Variants in LCT observed in about 807,000 individuals in gnomAD.
LCT encodes the protein lactase/phlorizin hydrolase.
A neutral mutation model predicts 173.0 loss-of-function variants in LCT; 90 were observed. The ratio of observed to expected loss-of-function variants is 0.52; its 90% CI spans 0.44 to 0.62. The LOEUF is 0.62. LCT is among the 20% of genes least tolerant of loss of function. The probability of loss-of-function intolerance (pLI) is 0.00; values close to 1 mark genes in which losing one functional copy is unlikely to be tolerated. For missense variants in LCT, 1,864 were observed against 2,431.4 expected, an observed-to-expected ratio of 0.77 and a Z score of 4.91; for synonymous variants, 853 against 957.6, an observed-to-expected ratio of 0.89 and a Z score of 2.02.
intron 12 of LCT, among the ~76,000 whole-genome samples, 194 bp downstream of exon 12, chr2:135,800,413 C>A (rs566247159): frequency 6.6e-6 from 1 of 152,112 alleles, no homozygotes; most frequent in East Asian, 1.9e-4. Context: ...TCTTCACAGA[C>A]AAGGTCTTTC....
chr2:135,798,701 C>T (rs552532965), intron 12 of LCT, among the ~76,000 whole-genome samples: 3 of 152,238 alleles, frequency 2.0e-5, no homozygotes, highest in East Asian at 1.9e-4. Flanking sequence ...TTATCATGTG[C>T]GGGGATACGT....
In LCT at chr2:135,794,956, A is replaced by C. The variant is rs3816155; in HGVS notation, c.4977-181T>G. Among the ~76,000 whole-genome samples, 119,040 of 151,934 alleles carry C rather than the reference A, an allele frequency of 0.78. 47,110 individuals carry two copies. The highest frequency in any genetic ancestry group is 0.84 in the Non-Finnish European group (56,951 of 67,944). On this transcript the variant is annotated intron_variant, in intron 13 of 16. Coordinates refer to ENST00000264162, the MANE Select transcript of LCT (RefSeq NM_002299.4). ...GTGCAGGAAGCACTGCGGCTCCTCC[A>C]GCCAGACCATAAACCTGGCTTCCCT...
At chr2:135,813,933 T>C (rs2105539255) in intron 6 of LCT, among the ~76,000 whole-genome samples, 1 of 152,320 alleles carries the variant, frequency 6.6e-6, no homozygotes, top group Admixed American at 6.5e-5. Context: ...GGAGGGTGTC[T>C]GAAATATAAC....
intron 5 of LCT, 136 bp downstream of exon 5, chr2:135,821,884 C>T: frequency 1.5e-6 from 1 of 679,872 alleles, no homozygotes; most frequent in Non-Finnish European, 2.7e-6. Context: ...CTTTGTTTCT[C>T]ATCAATTGAA....
chr2:135,798,833 GATGAGGCATGGAACACAC>G (rs2077603131), intron 12 of LCT, among the ~76,000 whole-genome samples: 3 of 152,276 alleles, frequency 2.0e-5, no homozygotes, highest in African/African-American at 7.2e-5. Context: ...CATGGTCAGA[GATGAGGCATGGAACACAC>G]ATGCCCTGGT....
intron 2 of LCT, among the ~76,000 whole-genome samples, chr2:135,832,852 T>C (rs1480391093): frequency 6.6e-6 from 1 of 152,082 alleles, no homozygotes; most frequent in East Asian, 1.9e-4. Flanking sequence ...TCTTATCCTA[T>C]AAGCTATTTT....
Position 135,822,093 on chromosome 2 carries a change from T to G in LCT, c.913A>C (p.Asn305His). The G allele has an allele frequency of 6.3e-7, 1 of 1,583,076 alleles. No homozygotes were observed. Among genetic ancestry groups the G allele is most frequent in the African/African-American group, 1.3e-5 (1 of 74,420 alleles). Residue 305 changes from asparagine (N) to histidine (H), a missense_variant, in exon 5 of 17, where the codon AAT (asparagine) becomes CAT (histidine). By Grantham distance (68) the Asn-to-His change is moderately conservative (BLOSUM62 1). Around this residue, in one of 4 missense-constraint regions of LCT, gnomAD observed 412 missense variants for 462.0 expected, o/e 0.89. Coordinates refer to ENST00000264162, the MANE Select transcript of LCT (RefSeq NM_002299.4). ...SLLFSLFEAI[N>H]KDQVLTIGFD... ...CCAATGGTGAGCACTTGGTCTTTAT[T>G]TATGGCTGTAAGAGAAGAAATTGAA...
intron 14 of LCT, among the ~76,000 whole-genome samples, chr2:135,791,944 A>T (rs184141569): frequency 1.3e-5 from 2 of 152,268 alleles, no homozygotes; most frequent in African/African-American, 4.8e-5. Context: ...GGAGACTCAC[A>T]TTGTTAACTG....
Position 135,800,710 on chromosome 2 carries a change from G to T in LCT, c.4763C>A (p.Ala1588Asp), listed in dbSNP as rs72845735. 7.4e-6 allele frequency: 12 copies of T among 1,614,002 alleles called. No homozygotes were observed. Among genetic ancestry groups the T allele is most frequent in the Non-Finnish European group, 1.0e-5 (12 of 1,179,992 alleles). ...GATGGAAATCACGCCACCTTGACTG[G>T]CGCGGTACACATCGTTGTACAGATG... Reference protein sequence around the residue: ...AWHLYNDVYRASQGGVISITI... With the variant: ...AWHLYNDVYRDSQGGVISITI... The change falls in exon 12 of 17, where the codon GCC (alanine) becomes GAC (aspartate). Residue 1588 changes from alanine to aspartate, a missense_variant. By Grantham distance (126) the Ala-to-Asp change is moderately radical (BLOSUM62 -2). Coordinates refer to ENST00000264162, the MANE Select transcript of LCT (RefSeq NM_002299.4).
intron 2 of LCT, among the ~76,000 whole-genome samples, chr2:135,831,982 C>T (rs941463883): frequency 1.3e-5 from 2 of 151,962 alleles, no homozygotes; most frequent in Admixed American, 6.6e-5. Flanking sequence ...TTTGGGAGGC[C>T]GAGGCAGGTG....
At chr2:135,823,845 T>C (rs1472504665) in intron 4 of LCT, 56 bp downstream of exon 4, 9 of 1,180,026 alleles carry the variant, frequency 7.6e-6, no homozygotes, top group Non-Finnish European at 1.1e-5. Flanking sequence ...GACTGCTACC[T>C]AGCACACCAG....
chr2:135,809,100 C>G lies in LCT; in HGVS notation c.3247G>C (p.Val1083Leu). Residue 1083 changes from valine (V) to leucine (L), a missense_variant, in exon 8 of 17, where the codon GTG becomes CTG. By Grantham distance (32) the Val-to-Leu change is conservative. This residue lies in a region of LCT where 755 missense variants were observed against 926.3 expected (regional missense o/e 0.82). Coordinates refer to ENST00000264162, the MANE Select transcript of LCT (RefSeq NM_002299.4). The surrounding 1 kb of genome is among the most constrained non-coding windows in gnomAD (Gnocchi z 5.5). ...GYGSGEFPPG[V>L]KDPGWAPYRI... ...TATGGTGCCCAGCCTGGGTCCTTCA[C>G]CCCTGGGGGAAATTCCCCTGAGCCA... 6.2e-7 allele frequency: 1 copy of G among 1,614,106 alleles called. No individual in the cohort carries two copies. The highest frequency in any genetic ancestry group is 1.1e-5 in the South Asian group (1 of 91,086).
chr2:135,794,465 C>T (rs562166666), intron 14 of LCT, 176 bp downstream of exon 14: 13 of 699,362 alleles, frequency 1.9e-5, no homozygotes, highest in South Asian at 1.8e-4. Context: ...CCTTCTCTCC[C>T]TCTTGCTTGC....
chr2:135,816,425 C>T (rs1008602756), intron 6 of LCT, among the ~76,000 whole-genome samples: 3 of 152,156 alleles, frequency 2.0e-5, no homozygotes, highest in South Asian at 2.1e-4. Context: ...AGAAAAGAGC[C>T]GAGCTTTTTT....
rs78427873 is a variant in LCT at position 135,818,178 on chromosome 2, A to C, written c.987-117T>G. On this transcript the variant is annotated intron_variant, in intron 5 of 16. Transcript: ENST00000264162. ...AAAAGATTCCAGAAACACTGAGTCA[A>C]AAGTCATATCTGCAAAGCCATGGGC... The C allele has an allele frequency of 3.1e-3, 3,893 of 1,260,544 alleles. 90 individuals are homozygous for C. The Admixed American group carries it at 0.039, about 13-fold the overall frequency. 78.1% of individuals were successfully genotyped at this position (1,260,544 alleles called of 1,614,324 possible).
At chr2:135,810,764 C>T (rs772900841) in intron 7 of LCT, among the ~76,000 whole-genome samples, 1 of 148,800 alleles carries the variant, frequency 6.7e-6, no homozygotes, top group Admixed American at 6.7e-5. Flanking sequence ...TGGTGGCTCA[C>T]GCCTGTAATC....
In LCT at chr2:135,812,579, T is replaced by A. The variant is rs1263450629; in HGVS notation, c.2085A>T (p.Pro695=). ...HYTSRLISNA[P]QNTCIPSYDT... is the part of the protein sequence containing the mutation. ...CATAGCTAGGGATGCAGGTGTTTTG[T>A]GGGGCGTTGCTGATGAGGCGGGAGG... The change falls in exon 7 of 17, where the codon CCA becomes CCT. Residue 695 remains proline, a synonymous_variant. Coordinates refer to ENST00000264162, the MANE Select transcript of LCT (RefSeq NM_002299.4). The A allele has an allele frequency of 6.2e-7, 1 of 1,613,370 alleles. No homozygotes were observed. The highest frequency in any genetic ancestry group is 8.5e-7 in the Non-Finnish European group (1 of 1,179,362).
chr2:135,836,014 ATG>A (rs1204109008), intron 1 of LCT, among the ~76,000 whole-genome samples: 3,482 of 17,104 alleles, frequency 0.2, 225 homozygotes, highest in Admixed American at 0.34. Flanking sequence ...ATATATATAT[ATG>A]TATACATATT....
chr2:135,819,472 C>A (rs1188345656), intron 5 of LCT, among the ~76,000 whole-genome samples: 2 of 152,192 alleles, frequency 1.3e-5, no homozygotes, highest in Non-Finnish European at 2.9e-5. Flanking sequence ...CCCTGTCACA[C>A]AGCCATCGTG....
Sources: allele counts gnomAD v4.1 joint callset (sites outside exome capture counted in the v4.1 genomes callset), GRCh38; gene constraint gnomAD v4.1.1; regional missense constraint gnomAD v4.1.1; non-coding constraint Gnocchi (gnomAD v3.1); transcripts MANE v1.5; gene names NCBI Gene and HGNC (gene_info 2026-07-23, HGNC 2026-07-21).